Variants in TAT observed in about 807,000 individuals in gnomAD.
TAT encodes the protein tyrosine aminotransferase, also known as L-tyrosine:2-oxoglutarate aminotransferase.
A neutral mutation model predicts 53.6 loss-of-function variants in TAT; 35 were observed. That is an observed-to-expected ratio of 0.65 (90% CI 0.50 to 0.87). TAT has a LOEUF of 0.87. Among genes scored for constraint, TAT ranks in the 40% least tolerant of loss-of-function variants. The pLI is 0.00. For missense variants in TAT, 525 were observed against 571.8 expected (o/e 0.92, Z 0.83); for synonymous variants, 197 against 206.5 (o/e 0.95, Z 0.39).
chr16:71,573,818 GTTTT>G (rs1039303619), intron 3 of TAT, among the ~76,000 whole-genome samples: 3 of 151,806 alleles, frequency 2.0e-5, no homozygotes, highest in Non-Finnish European at 2.9e-5. Context: ...TTTTTGTTTT[GTTTT>G]TTGTTTGTTT....
chr16:71,576,043 A>G lies in TAT; in HGVS notation c.236-17T>C, dbSNP rs200165034. 8 of 1,613,914 alleles carry G rather than the reference A, an allele frequency of 5.0e-6. No homozygotes were observed. In the Admixed American group the frequency reaches 5.0e-5, roughly 10 times the overall value. On this transcript the variant is annotated splice_polypyrimidine_tract_variant and intron_variant, in intron 2 of 11. Transcript: ENST00000355962. The stretch of plus-strand genomic sequence containing the variant: ...TAGGGTCCCCTTTTTATGGGAGGAA[A>G]ACACAAAAGGAGCCAAGAGGTTATT...
chr16:71,577,059 C>A lies in TAT; in HGVS notation c.-63G>T. The A allele has an allele frequency of 6.4e-6, 1 of 156,520 alleles. No individual in the cohort carries two copies. The allele number at this position is 156,520 out of a possible 1,614,324, so 9.7% of individuals were successfully genotyped here. A position where few individuals can be genotyped will look rare whatever the true frequency, so the allele number is the denominator to read the frequency against. On this transcript the variant is annotated 5_prime_UTR_variant, in exon 1 of 12. Transcript: ENST00000355962. ...TCCAAGAAGCCAACCCCGAAAGCTC[C>A]CTTAGCTCTTCTTTGACAGGTTACA...
rs1442078620 is a variant in TAT at position 71,570,703 on chromosome 16, G to A, written c.888C>T (p.Asp296=). Reference sequence around the variant, plus strand: ...CCTCATTGCCAAAAATGTCTCTTCGGTCATGAATGAGGATCCAGCCCAACC... The same window carrying A: ...CCTCATTGCCAAAAATGTCTCTTCGATCATGAATGAGGATCCAGCCCAACC... ...GWRLGWILIH[D]RRDIFGNEIR... The change falls in exon 8 of 12, where the codon GAC becomes GAT. Residue 296 remains aspartate, a synonymous_variant. Transcript: ENST00000355962. 1.2e-6 allele frequency: 2 copies of A among 1,614,044 alleles called. No individual in the cohort carries two copies. Among genetic ancestry groups the A allele is most frequent in the East Asian group, 2.2e-5 (1 of 44,894 alleles).
chr16:71,571,741 ATC>A lies in TAT; in HGVS notation c.707-85_707-84del. On this transcript the variant is annotated intron_variant, in intron 6 of 11. Coordinates refer to ENST00000355962, the MANE Select transcript of TAT (RefSeq NM_000353.3). The stretch of plus-strand genomic sequence containing the variant: ...TCACATAATATCATGTAATTTCCCT[ATC>A]CCGTAATATTAAGAAGTTACAATTC... The A allele has an allele frequency of 3.1e-6, 4 of 1,302,856 alleles. No individual in the cohort carries two copies. The South Asian group carries it at 4.8e-5, about 16-fold the overall frequency. The allele number at this position is 1,302,856 out of a possible 1,614,324, so 80.7% of individuals were successfully genotyped here.
intron 1 of TAT, 115 bp from the exon 2 acceptor site, chr16:71,576,542 CTCTT>C (rs749922009): frequency 1.4e-4 from 124 of 887,424 alleles, no homozygotes; most frequent in African/African-American, 1.3e-3. Context: ...TCCAAACTCT[CTCTT>C]TATTTTTTTT....
rs572677025 is a variant in TAT, at chr16:71,567,735, C to T, written c.*409G>A. The T allele has an allele frequency of 4.0e-3, 1,158 of 288,884 alleles. 5 individuals carry two copies. Among genetic ancestry groups the T allele is most frequent in the Non-Finnish European group, 5.2e-3 (774 of 148,746 alleles). The allele number at this position is 288,884 out of a possible 1,614,324, so 17.9% of individuals were successfully genotyped here. Reference sequence around the variant, plus strand: ...GAGCTTCAGACCTGCCTGGAGAGAGCGTGTTCTTTCTTAGAGTCTGAGGAA... The same window carrying T: ...GAGCTTCAGACCTGCCTGGAGAGAGTGTGTTCTTTCTTAGAGTCTGAGGAA... On this transcript the variant is annotated 3_prime_UTR_variant, in exon 12 of 12. Coordinates refer to ENST00000355962, the MANE Select transcript of TAT (RefSeq NM_000353.3).
chr16:71,575,925 T>C lies in TAT; in HGVS notation c.337A>G (p.Ile113Val), dbSNP rs775210795. The C allele has an allele frequency of 5.6e-6, 9 of 1,614,142 alleles. No homozygotes were observed. The South Asian group carries it at 7.7e-5, about 14-fold the overall frequency. ...TGGAGTCTCAGGAGGAGCTTACCGA[T>C]GGATGGGGCATAGCCATTATATTTG... The part of the protein sequence containing the change: ...SGKYNGYAPS[I>V]GFLSSREEIA... Residue 113 changes from isoleucine (I) to valine (V), a missense_variant, in exon 3 of 12, where the codon ATC becomes GTC. Coordinates refer to ENST00000355962, the MANE Select transcript of TAT (RefSeq NM_000353.3).
rs200734333 is a variant in TAT at position 71,570,389 on chromosome 16, A to G, written c.921T>C (p.Asp307=). Residue 307 remains aspartate, a synonymous_variant, in exon 9 of 12, where the codon GAT becomes GAC. Coordinates refer to ENST00000355962, the MANE Select transcript of TAT (RefSeq NM_000353.3). ...TGCGCTGACTCAGCTTCACCAGCCC[A>G]TCTCGGATCTAAAAGACACCCACAA... is the stretch of plus-strand genomic sequence containing the variant. ...RRDIFGNEIR[D]GLVKLSQRIL... is the part of the protein sequence containing the mutation. 3 of 1,614,150 alleles carry G rather than the reference A, an allele frequency of 1.9e-6. No individual in the cohort carries two copies. Among genetic ancestry groups the G allele is most frequent in the Admixed American group, 3.3e-5 (2 of 60,024 alleles).
At position 71,566,954 on chromosome 16, in the gene TAT, AAAGAT is replaced by A. The variant is rs1221881999; in HGVS notation, c.*1185_*1189del. 1 of 152,068 alleles carries A rather than the reference AAAGAT, an allele frequency of 6.6e-6. No individual in the cohort carries two copies. Among genetic ancestry groups the A allele is most frequent in the Admixed American group, 6.5e-5 (1 of 15,286 alleles). The allele number at this position is 152,068 out of a possible 1,614,324, so 9.4% of individuals were successfully genotyped here. A position where few individuals can be genotyped will look rare whatever the true frequency, so the allele number is the denominator to read the frequency against. ...TAAATGTTTCTTAGAAAATGTATGA[AAAGAT>A]AATATATATTAATAAATCAATATTA... On this transcript the variant is annotated 3_prime_UTR_variant, in exon 12 of 12. Coordinates refer to ENST00000355962, the MANE Select transcript of TAT (RefSeq NM_000353.3).
In TAT at chr16:71,567,952, C is replaced by A; in HGVS notation, c.*192G>T. 3 of 651,788 alleles carry A rather than the reference C, an allele frequency of 4.6e-6. No individual in the cohort carries two copies. The highest frequency in any genetic ancestry group is 8.2e-6 in the Non-Finnish European group (3 of 365,236). 40.4% of individuals were successfully genotyped at this position (651,788 alleles called of 1,614,324 possible). ...CTAGCAGCGCAGAGCAAGGGAGAAT[C>A]TGCGATGTGAATGAGGAGGATCTGA... On this transcript the variant is annotated 3_prime_UTR_variant, in exon 12 of 12. Coordinates refer to ENST00000355962, the MANE Select transcript of TAT (RefSeq NM_000353.3).
intron 7 of TAT, among the ~76,000 whole-genome samples, chr16:71,571,078 T>A (rs1461435469): frequency 6.6e-6 from 1 of 152,188 alleles, no homozygotes; most frequent in Non-Finnish European, 1.5e-5. Context: ...AGCCCAGTAA[T>A]ATTTACAACT....
rs1372548690 is a variant in TAT, at chr16:71,568,539, TG to T, written c.1224+171del. 4.3e-5 allele frequency: 31 copies of T among 713,090 alleles called. No homozygotes were observed. The South Asian group carries it at 4.9e-4, about 11-fold the overall frequency. 44.2% of individuals were successfully genotyped at this position (713,090 alleles called of 1,614,324 possible). A position where few individuals can be genotyped will look rare whatever the true frequency, so the allele number is the denominator to read the frequency against. On this transcript the variant is annotated intron_variant, in intron 11 of 11. Transcript: ENST00000355962. ...CTTCCCAGTATGGATGGGATTATGATGGGGGGGAGAAGCAAATTTTAAATAG... is the reference window on the plus strand; with the variant it reads ...CTTCCCAGTATGGATGGGATTATGATGGGGGGAGAAGCAAATTTTAAATAG...
At chr16:71,573,641 G>A in intron 3 of TAT, 35 bp from the exon 4 acceptor site, 1 of 1,539,586 alleles carries the variant, frequency 6.5e-7, no homozygotes, top group Non-Finnish European at 8.8e-7. Context: ...AGCTTTTTTG[G>A]TTTTTAGAGA....
At chr16:71,576,668 G>T (rs544618412) in intron 1 of TAT, among the ~76,000 whole-genome samples, 1 of 152,062 alleles carries the variant, frequency 6.6e-6, no homozygotes, top group South Asian at 2.1e-4. Context: ...TTTGCTACAC[G>T]CATCTGCAAT....
At chr16:71,568,540 G>A in intron 11 of TAT, 171 bp downstream of exon 11, 2 of 714,294 alleles carry the variant, frequency 2.8e-6, no homozygotes, top group Non-Finnish European at 4.8e-6. Context: ...GGATTATGAT[G>A]GGGGGGAGAA....
At chr16:71,573,821 T>TTTTG (rs893631776) in intron 3 of TAT, among the ~76,000 whole-genome samples, 1 of 151,946 alleles carries the variant, frequency 6.6e-6, no homozygotes, top group African/African-American at 2.4e-5. Context: ...TTGTTTTGTT[T>TTTTG]TTTGTTTGTT....
At chr16:71,572,353 A>G in intron 5 of TAT, 29 bp from the exon 6 acceptor site, 1 of 1,614,040 alleles carries the variant, frequency 6.2e-7, no homozygotes, top group Non-Finnish European at 8.5e-7. Flanking sequence ...TGAGACTAAG[A>G]TGATTCTGAA....
At chr16:71,574,995 G>C (rs552515015) in intron 3 of TAT, 1 of 152,236 alleles carries the variant, frequency 6.6e-6, no homozygotes, top group Non-Finnish European at 1.5e-5. Context: ...TTGTCAAATG[G>C]AGACTTGGTT....
At position 71,566,634 on chromosome 16, in the gene TAT, C is replaced by A. The variant is rs3794689; in HGVS notation, c.*1510G>T. ...AAGTTGAAAATGTAAAGACAAAGGC[C>A]AGAGGTTATAACTTACTGCCTCTTG... On this transcript the variant is annotated 3_prime_UTR_variant, in exon 12 of 12. Coordinates refer to ENST00000355962, the MANE Select transcript of TAT (RefSeq NM_000353.3). 7,864 of 152,056 alleles carry A rather than the reference C, an allele frequency of 0.052. 376 individuals are homozygous for A. Among genetic ancestry groups the A allele is most frequent in the South Asian group, 0.24 (1,166 of 4,822 alleles). 9.4% of individuals were successfully genotyped at this position (152,056 alleles called of 1,614,324 possible). A position where few individuals can be genotyped will look rare whatever the true frequency, so the allele number is the denominator to read the frequency against.
Sources: allele counts gnomAD v4.1 joint callset (sites outside exome capture counted in the v4.1 genomes callset), GRCh38; gene constraint gnomAD v4.1.1; transcripts MANE v1.5; gene names NCBI Gene and HGNC (gene_info 2026-07-23, HGNC 2026-07-21).